FBXL17: variants seen among roughly 807,000 people sequenced by gnomAD.
FBXL17 encodes the protein F-box/LRR-repeat protein 17.
A neutral mutation model predicts 66.2 loss-of-function variants in FBXL17; 22 were observed. The observed-to-expected ratio is 0.33, with a 90% confidence interval of 0.24 to 0.47. The LOEUF is 0.47. Ranked by LOEUF, FBXL17 falls within the 20% of genes least tolerant of loss-of-function variation. The probability of loss-of-function intolerance (pLI) is 1.00; values close to 1 mark genes in which losing one functional copy is unlikely to be tolerated. For synonymous variants in FBXL17, 474 were observed against 400.5 expected (o/e 1.18, Z -2.19); for missense variants, 878 against 948.2 (o/e 0.93, Z 0.97).
chr5:108,131,027 A>G (rs2149976315), intron 6 of FBXL17, among the ~76,000 whole-genome samples: 1 of 152,278 alleles, frequency 6.6e-6, no homozygotes, highest in South Asian at 2.1e-4. Flanking sequence ...GTTTTCATAT[A>G]CATCTCTAAG....
intron 7 of FBXL17, among the ~76,000 whole-genome samples, chr5:107,908,234 C>A (rs544276127): frequency 9.9e-5 from 15 of 152,132 alleles, no homozygotes; most frequent in Non-Finnish European, 1.3e-4. Flanking sequence ...TTCTACCTGG[C>A]AGTAGGCTAA....
At chr5:108,143,726 G>C (rs1220144278) in intron 6 of FBXL17, among the ~76,000 whole-genome samples, 2 of 107,548 alleles carry the variant, frequency 1.9e-5, no homozygotes, top group Admixed American at 1.9e-4. Flanking sequence ...GTTTTCATGG[G>C]AAAAAAAAAA....
chr5:107,919,372 C>T (rs1369516816), intron 7 of FBXL17, among the ~76,000 whole-genome samples: 1 of 152,174 alleles, frequency 6.6e-6, no homozygotes, highest in Non-Finnish European at 1.5e-5. Flanking sequence ...TGGATCGCAA[C>T]AGCTTCCTGA....
At chr5:108,104,363 C>T (rs532973202) in intron 6 of FBXL17, among the ~76,000 whole-genome samples, 3 of 152,282 alleles carry the variant, frequency 2.0e-5, no homozygotes, top group African/African-American at 7.2e-5. Flanking sequence ...ATTTTACATG[C>T]AATTGTACTT....
At chr5:107,997,459 G>T (rs1254546785) in intron 7 of FBXL17, among the ~76,000 whole-genome samples, 1 of 152,156 alleles carries the variant, frequency 6.6e-6, no homozygotes, top group Non-Finnish European at 1.5e-5. Flanking sequence ...CCACATGGGT[G>T]TCCAAGACCC....
chr5:108,020,015 A>G (rs183813339), intron 7 of FBXL17, among the ~76,000 whole-genome samples: 31 of 152,102 alleles, frequency 2.0e-4, no homozygotes, highest in Non-Finnish European at 4.1e-4. Context: ...AGTAGCTAAT[A>G]AAAGACAACT....
intron 3 of FBXL17, among the ~76,000 whole-genome samples, chr5:108,363,174 T>C (rs1056881249): frequency 2.0e-5 from 3 of 152,028 alleles, no homozygotes; most frequent in Non-Finnish European, 4.4e-5. Context: ...AAGGCCAACA[T>C]TTAACATAAT....
chr5:108,305,921 C>G (rs1454841777), intron 4 of FBXL17, among the ~76,000 whole-genome samples: 1 of 151,912 alleles, frequency 6.6e-6, no homozygotes, highest in African/African-American at 2.4e-5. Flanking sequence ...GCTTCTTTTC[C>G]TTTTTAAAAA....
At chr5:107,934,725 C>T (rs1750843675) in intron 7 of FBXL17, among the ~76,000 whole-genome samples, 1 of 152,084 alleles carries the variant, frequency 6.6e-6, no homozygotes, top group African/African-American at 2.4e-5. Flanking sequence ...ATTGCTATGA[C>T]TGTATTTCAG....
At chr5:107,980,502 A>C (rs1752764963) in intron 7 of FBXL17, among the ~76,000 whole-genome samples, 1 of 149,502 alleles carries the variant, frequency 6.7e-6, no homozygotes, top group African/African-American at 2.5e-5. Context: ...TGCCCAGCTA[A>C]TTTTTGTATT....
chr5:108,328,430 A>G (rs1339541719), intron 4 of FBXL17, among the ~76,000 whole-genome samples: 1 of 152,140 alleles, frequency 6.6e-6, no homozygotes, highest in African/African-American at 2.4e-5. Context: ...TAAAAAGGGC[A>G]GGAGAATATG....
At chr5:108,250,768 T>C (rs1226483698) in intron 4 of FBXL17, among the ~76,000 whole-genome samples, 1 of 152,126 alleles carries the variant, frequency 6.6e-6, no homozygotes, top group African/African-American at 2.4e-5. Flanking sequence ...GCTTATAAAT[T>C]GTTTAATGCA....
At chr5:108,275,088 T>C (rs1046159053) in intron 4 of FBXL17, among the ~76,000 whole-genome samples, 1 of 152,218 alleles carries the variant, frequency 6.6e-6, no homozygotes, top group African/African-American at 2.4e-5. Context: ...TAACTCAGAA[T>C]TCAATTTATA....
intron 5 of FBXL17, among the ~76,000 whole-genome samples, chr5:108,194,364 AT>A (rs2150041779): frequency 6.6e-6 from 1 of 152,244 alleles, no homozygotes; most frequent in South Asian, 2.1e-4. Flanking sequence ...TTTTTGATTA[AT>A]ATAGAGAGGA....
chr5:108,055,290 AAAAAAAAAAAAAAAAAAAAAAAAG>A (rs1319191430), intron 6 of FBXL17, among the ~76,000 whole-genome samples: 4 of 61,382 alleles, frequency 6.5e-5, no homozygotes, highest in South Asian at 6.6e-4. Flanking sequence ...GAAAAAAAAA[AAAAAAAAAAAAAAAAAAAAAAAAG>A]AAAAACGCTT....
At position 108,306,815 on chromosome 5, in the gene FBXL17, T is replaced by C. The variant is rs187848427; in HGVS notation, c.1506+41584A>G. 3.1e-4 allele frequency among the ~76,000 whole-genome samples: 47 copies of C among 152,128 alleles called. No homozygotes were observed. The East Asian group carries it at 3.1e-3, about 10-fold the overall frequency. On this transcript the variant is annotated intron_variant, in intron 4 of 8. Transcript: ENST00000542267. ...AAAGAAACTGAACCTTCATATTCTC[T>C]CTCTTCACTAATTAATTATCACTTG...
At chr5:108,332,530 A>C (rs1245203897) in intron 4 of FBXL17, among the ~76,000 whole-genome samples, 1 of 152,146 alleles carries the variant, frequency 6.6e-6, no homozygotes, top group African/African-American at 2.4e-5. Flanking sequence ...TCTTCTCCCT[A>C]AATCAGAGTA....
chr5:108,072,196 G>T (rs1748360303), intron 6 of FBXL17, among the ~76,000 whole-genome samples: 1 of 152,044 alleles, frequency 6.6e-6, no homozygotes, highest in African/African-American at 2.4e-5. Flanking sequence ...GATTCCACGT[G>T]TCTATCTTCC....
intron 1 of FBXL17, among the ~76,000 whole-genome samples, chr5:108,378,131 T>G (rs1428925724): frequency 6.6e-6 from 1 of 152,124 alleles, no homozygotes; most frequent in African/African-American, 2.4e-5. Context: ...GCAGGTAATA[T>G]TAACCTATAT....
Sources: allele counts gnomAD v4.1 joint callset (sites outside exome capture counted in the v4.1 genomes callset), GRCh38; gene constraint gnomAD v4.1.1; transcripts MANE v1.5; gene names NCBI Gene and HGNC (gene_info 2026-07-23, HGNC 2026-07-21).